ADAM18: variants seen among roughly 807,000 people sequenced by gnomAD.
The protein encoded by ADAM18 is disintegrin and metalloproteinase domain-containing protein 18.
In ADAM18, 117 loss-of-function variants were observed where a neutral mutation model predicts 94.4. The observed-to-expected ratio is 1.24, with a 90% CI of 1.07 to 1.45. ADAM18 has a LOEUF of 1.45. Ranked by LOEUF, ADAM18 falls within the 40% of genes most tolerant of loss-of-function variation. The pLI is 0.00. For missense variants in ADAM18, 936 were observed against 880.0 expected (o/e 1.06, Z -0.81); for synonymous variants, 327 against 291.6 (o/e 1.12, Z -1.24).
At chr8:39,711,433 A>C (rs1361662692) in intron 18 of ADAM18, among the ~76,000 whole-genome samples, 1 of 152,158 alleles carries the variant, frequency 6.6e-6, no homozygotes, top group African/African-American at 2.4e-5. Context: ...TCCCTGAGGA[A>C]GCTCAAAAAT....
In ADAM18 at chr8:39,609,119, T is replaced by C. The variant is rs747435962; in HGVS notation, c.266T>C (p.Met89Thr). The change falls in exon 4 of 20, where the codon ATG becomes ACG. Residue 89 changes from methionine to threonine, a missense_variant and splice_region_variant. Met to Thr is a moderately conservative substitution (Grantham distance 81). Transcript: ENST00000265707. ...GSLHSVSPYFMMHCHYQGYAA... is the reference protein window; with the variant it reads ...GSLHSVSPYFTMHCHYQGYAA... ...TTGCATTCTGTGTCTCCATATTTTA[T>C]GGTAAAGTAAGATACCTTATTTTTT... 6.4e-7 allele frequency: 1 copy of C among 1,561,646 alleles called. No individual in the cohort carries two copies. The highest frequency in any genetic ancestry group is 1.8e-5 in the Admixed American group (1 of 54,776).
At chr8:39,683,259 T>C (rs1821520007) in intron 16 of ADAM18, among the ~76,000 whole-genome samples, 2 of 152,202 alleles carry the variant, frequency 1.3e-5, no homozygotes, top group Non-Finnish European at 2.9e-5. Flanking sequence ...GACAACCACG[T>C]GACAAATTTG....
At chr8:39,722,734 G>A (rs1161220746) in intron 18 of ADAM18, among the ~76,000 whole-genome samples, 2 of 151,420 alleles carry the variant, frequency 1.3e-5, no homozygotes, top group Admixed American at 6.6e-5. Context: ...TAAATTAATA[G>A]CAAGCCAAAA....
chr8:39,664,108 A>G (rs1339534164), intron 13 of ADAM18, among the ~76,000 whole-genome samples: 1 of 152,254 alleles, frequency 6.6e-6, no homozygotes, highest in South Asian at 2.1e-4. Flanking sequence ...TGGGCTCCAC[A>G]TACTGAACCA....
chr8:39,697,722 A>G (rs1217267916), intron 17 of ADAM18, among the ~76,000 whole-genome samples: 2 of 151,704 alleles, frequency 1.3e-5, no homozygotes, highest in Non-Finnish European at 3.0e-5. Context: ...TTTTTCTGAT[A>G]AGTGTTTTTT....
At chr8:39,584,992 A>G (rs1051793323) in intron 1 of ADAM18, among the ~76,000 whole-genome samples, 1 of 152,186 alleles carries the variant, frequency 6.6e-6, no homozygotes, top group Admixed American at 6.5e-5. Flanking sequence ...CGAACTCCTC[A>G]GAGTCCTGAG....
At chr8:39,637,187 A>G in intron 7 of ADAM18, 77 bp from the exon 8 acceptor site, 1 of 1,150,848 alleles carries the variant, frequency 8.7e-7, no homozygotes, top group Non-Finnish European at 1.2e-6. Context: ...TATAATATCT[A>G]ATACAATGCC....
Position 39,636,232 on chromosome 8 carries a change from C to T in ADAM18, c.589-1032C>T, listed in dbSNP as rs145094063. 2.6e-3 allele frequency among the ~76,000 whole-genome samples: 403 copies of T among 152,114 alleles called. 5 individuals carry two copies. Among genetic ancestry groups the T allele is most frequent in the African/African-American group, 9.1e-3 (377 of 41,510 alleles). ...AGATGAAGTCTCACCATGTTGTCCA[C>T]GCCTCAGTCTCCCAAAGTGTTGGGG... On this transcript the variant is annotated intron_variant, in intron 7 of 19. Transcript: ENST00000265707.
chr8:39,655,768 G>T (rs79449062), intron 12 of ADAM18, among the ~76,000 whole-genome samples: 1 of 151,840 alleles, frequency 6.6e-6, no homozygotes, highest in Non-Finnish European at 1.5e-5. Flanking sequence ...TTATTTGCAC[G>T]TATAAATGAA....
intron 7 of ADAM18, among the ~76,000 whole-genome samples, chr8:39,636,927 C>T (rs1373514166): frequency 6.6e-6 from 1 of 150,628 alleles, no homozygotes; most frequent in Non-Finnish European, 1.5e-5. Flanking sequence ...GCTTATTTCA[C>T]TTAGCATAAT....
At chr8:39,700,963 A>G (rs1214810126) in intron 17 of ADAM18, among the ~76,000 whole-genome samples, 2 of 150,886 alleles carry the variant, frequency 1.3e-5, no homozygotes, top group Non-Finnish European at 3.0e-5. Flanking sequence ...CTAAAAATAC[A>G]AAAAATTAGC....
At chr8:39,625,852 C>A (rs1051683446) in intron 6 of ADAM18, among the ~76,000 whole-genome samples, 1 of 152,098 alleles carries the variant, frequency 6.6e-6, no homozygotes, top group Admixed American at 6.5e-5. Flanking sequence ...ATCCATCCCT[C>A]CTGCATCCCT....
intron 6 of ADAM18, 48 bp from the exon 7 acceptor site, chr8:39,629,326 T>C: frequency 7.2e-7 from 1 of 1,397,456 alleles, no homozygotes; most frequent in Non-Finnish European, 9.8e-7. Flanking sequence ...TTCTCTTAAA[T>C]TCAATACATG....
intron 6 of ADAM18, among the ~76,000 whole-genome samples, chr8:39,612,211 G>A (rs1404692671): frequency 6.6e-6 from 1 of 151,954 alleles, no homozygotes. Context: ...CGGAAAACCA[G>A]ACAAAGAAGA....
intron 10 of ADAM18, among the ~76,000 whole-genome samples, chr8:39,643,916 A>G (rs541113072): frequency 4.6e-5 from 7 of 151,630 alleles, no homozygotes; most frequent in Non-Finnish European, 8.8e-5. Flanking sequence ...CCTAGATATC[A>G]TTCCTCATAT....
At chr8:39,718,255 A>T (rs1291041833) in intron 18 of ADAM18, among the ~76,000 whole-genome samples, 1 of 151,576 alleles carries the variant, frequency 6.6e-6, no homozygotes, top group Non-Finnish European at 1.5e-5. Flanking sequence ...CCCAAAATTA[A>T]CAATTTTGTA....
At chr8:39,663,425 C>CAAAAAAAAA (rs374386277) in intron 12 of ADAM18, among the ~76,000 whole-genome samples, 1 of 102,824 alleles carries the variant, frequency 9.7e-6, no homozygotes, top group Non-Finnish European at 1.8e-5. Flanking sequence ...CTAGTCTTTA[C>CAAAAAAAAA]AAAAAAAAAA....
At chr8:39,588,554 G>A (rs1818475759) in intron 2 of ADAM18, among the ~76,000 whole-genome samples, 1 of 152,124 alleles carries the variant, frequency 6.6e-6, no homozygotes. Context: ...GGATATTACA[G>A]GAACTATGAA....
At chr8:39,607,904 T>C (rs1249671402) in intron 3 of ADAM18, among the ~76,000 whole-genome samples, 5 of 152,020 alleles carry the variant, frequency 3.3e-5, no homozygotes. Flanking sequence ...GCTCCCAAAT[T>C]AACATCTCTA....
Sources: allele counts gnomAD v4.1 joint callset (sites outside exome capture counted in the v4.1 genomes callset), GRCh38; gene constraint gnomAD v4.1.1; transcripts MANE v1.5; gene names NCBI Gene and HGNC (gene_info 2026-07-23, HGNC 2026-07-21).